Variants in CMTR1 observed in about 807,000 individuals in gnomAD.
CMTR1 encodes the protein cap-specific mRNA (nucleoside-2'-O-)-methyltransferase 1.
CMTR1 carries 39 observed loss-of-function variants against 107.0 expected under a neutral mutation model. That is an observed-to-expected ratio of 0.36 (90% CI 0.28 to 0.48). CMTR1 has a LOEUF of 0.48. Ranked by LOEUF, CMTR1 falls within the 20% of genes least tolerant of loss-of-function variation. CMTR1 has a pLI of 0.99. For synonymous variants in CMTR1, 366 were observed against 379.5 expected (o/e 0.96, Z 0.41); for missense variants, 672 against 1,064.9 (o/e 0.63, Z 5.14).
Position 37,462,922 on chromosome 6 carries a change from G to A in CMTR1, c.1419G>A (p.Thr473=), listed in dbSNP as rs190676909. ...TTAAACTCAATCAGCTGCGGAACACGGATTCCGACGTCAACTTGGTGGTCC... is the reference window on the plus strand; with the variant it reads ...TTAAACTCAATCAGCTGCGGAACACAGATTCCGACGTCAACTTGGTGGTCC... ...VNIKLNQLRN[T]DSDVNLVVPL... Residue 473 remains threonine (T), a synonymous_variant, in exon 13 of 24, where the codon ACG becomes ACA. Transcript: ENST00000373451. 3 of 1,614,142 alleles carry A rather than the reference G, an allele frequency of 1.9e-6. No homozygotes were observed. Among genetic ancestry groups the A allele is most frequent in the East Asian group, 2.2e-5 (1 of 44,886 alleles).
chr6:37,466,669 G>A (rs1209270990), intron 13 of CMTR1, among the ~76,000 whole-genome samples: 1 of 151,994 alleles, frequency 6.6e-6, no homozygotes, highest in African/African-American at 2.4e-5. Flanking sequence ...CTGTCTTTAT[G>A]CCAGTAGTAG....
intron 11 of CMTR1, 135 bp downstream of exon 11, chr6:37,461,780 T>C (rs1423757366): frequency 8.4e-6 from 7 of 836,574 alleles, no homozygotes; most frequent in Non-Finnish European, 1.3e-5. Context: ...AATGAGTAAT[T>C]TAGGGAAGAA....
intron 2 of CMTR1, among the ~76,000 whole-genome samples, chr6:37,443,782 C>T (rs1771724063): frequency 6.6e-6 from 1 of 152,170 alleles, no homozygotes; most frequent in South Asian, 2.1e-4. Flanking sequence ...TATTTTTGAG[C>T]TCCCATTGTG....
intron 23 of CMTR1, 138 bp from the exon 24 acceptor site, chr6:37,479,875 C>A (rs577377800): frequency 1.2e-6 from 1 of 824,432 alleles, no homozygotes; most frequent in Admixed American, 3.0e-5. Context: ...TAGGGCCTAC[C>A]GGGTACCTTT....
chr6:37,462,229 A>T, intron 12 of CMTR1, 127 bp downstream of exon 12: 3 of 1,106,658 alleles, frequency 2.7e-6, no homozygotes, highest in Non-Finnish European at 4.0e-6. Flanking sequence ...AAGTGATGAG[A>T]GCCAACAGGA....
upstream of CMTR1, among the ~76,000 whole-genome samples, chr6:37,432,205 A>G (rs530330914): frequency 6.6e-5 from 10 of 152,358 alleles, no homozygotes; most frequent in East Asian, 1.7e-3. Context: ...AGAAGGGGTC[A>G]TGCTGGAGGG....
At chr6:37,443,660 A>G (rs147633724) in intron 2 of CMTR1, among the ~76,000 whole-genome samples, 4 of 152,294 alleles carry the variant, frequency 2.6e-5, no homozygotes, top group African/African-American at 9.6e-5. Flanking sequence ...CCAGCCAACA[A>G]TGCATTTTCA....
At chr6:37,445,256 A>G (rs1050020859) in intron 3 of CMTR1, among the ~76,000 whole-genome samples, 6 of 152,132 alleles carry the variant, frequency 3.9e-5, no homozygotes, top group Non-Finnish European at 7.4e-5. Flanking sequence ...TTAGCTGGTA[A>G]TACCCCTTTC....
At chr6:37,461,810 A>T (rs896975941) in intron 11 of CMTR1, 160 bp from the exon 12 acceptor site, 3 of 898,232 alleles carry the variant, frequency 3.3e-6, no homozygotes, top group African/African-American at 1.7e-5. Context: ...GAATCCTCAA[A>T]GTCCCCTCCA....
In CMTR1 at chr6:37,457,151, T is replaced by C. The variant is rs1306960593; in HGVS notation, c.778-1461T>C. ...AAGAGGATTGCCTGAGCTCAGGAGT[T>C]CAAGGTTTCAGTAAGCTATTATTGT... On this transcript the variant is annotated intron_variant, in intron 8 of 23. Coordinates refer to ENST00000373451, the MANE Select transcript of CMTR1 (RefSeq NM_015050.3). Among the ~76,000 whole-genome samples, 3 of 150,702 alleles carry C rather than the reference T, an allele frequency of 2.0e-5. No homozygotes were observed. The Admixed American group carries it at 2.0e-4, about 10-fold the overall frequency.
chr6:37,467,143 G>A (rs1011899856), intron 13 of CMTR1, among the ~76,000 whole-genome samples: 2 of 152,122 alleles, frequency 1.3e-5, no homozygotes, highest in Non-Finnish European at 2.9e-5. Context: ...CTCCAGCCTG[G>A]GTGACAGAAC....
chr6:37,429,352 T>TA (rs1195322237), upstream of CMTR1, among the ~76,000 whole-genome samples: 1 of 152,168 alleles, frequency 6.6e-6, no homozygotes, highest in Non-Finnish European at 1.5e-5. Context: ...TAAATTATGG[T>TA]AAAAAACACA....
chr6:37,475,520 G>A (rs1461606205), intron 19 of CMTR1, 108 bp downstream of exon 19: 3 of 880,986 alleles, frequency 3.4e-6, no homozygotes, highest in Non-Finnish European at 5.4e-6. Flanking sequence ...TCTGCTTGTT[G>A]ACATCCTGAG....
At chr6:37,477,682 G>A (rs1761766639) in intron 21 of CMTR1, 43 bp downstream of exon 21, 2 of 1,455,728 alleles carry the variant, frequency 1.4e-6, no homozygotes, top group South Asian at 1.1e-5. Flanking sequence ...AGAGGAGGTG[G>A]GGGTGCGGCC....
the CMTR1 span, among the ~76,000 whole-genome samples, chr6:37,427,953 T>C: frequency 6.6e-6 from 1 of 151,458 alleles, no homozygotes; most frequent in Non-Finnish European, 1.5e-5. This position sits in a 1 kb window ranked among gnomAD's most constrained non-coding sequence, Gnocchi z 4.4. Context: ...ATAGTCATTC[T>C]AATTGTTTTT....
intron 4 of CMTR1, among the ~76,000 whole-genome samples, chr6:37,449,375 C>T (rs928894460): frequency 3.3e-5 from 5 of 152,088 alleles, no homozygotes; most frequent in Admixed American, 2.6e-4. Flanking sequence ...GTGGCGCAAT[C>T]TCGGCTCACT....
intron 5 of CMTR1, among the ~76,000 whole-genome samples, chr6:37,451,355 C>A (rs1420460771): frequency 6.6e-6 from 1 of 152,116 alleles, no homozygotes; most frequent in African/African-American, 2.4e-5. Flanking sequence ...CTGTGAGACC[C>A]CTTAGCGTCC....
At chr6:37,436,137 G>C (rs780757458) in intron 2 of CMTR1, among the ~76,000 whole-genome samples, 1 of 152,158 alleles carries the variant, frequency 6.6e-6, no homozygotes, top group Non-Finnish European at 1.5e-5. Flanking sequence ...TGCTGCGGCC[G>C]TCGAGCCTAA....
At chr6:37,474,754 ACAGGGCC>A (rs1229284192) in intron 18 of CMTR1, 108 bp downstream of exon 18, 2 of 1,514,340 alleles carry the variant, frequency 1.3e-6, no homozygotes, top group African/African-American at 2.7e-5. Context: ...GTGGTGGCTG[ACAGGGCC>A]CAGGGCTGGG....
Sources: gnomAD v4.1 joint callset for allele counts (sites outside exome capture counted in the v4.1 genomes callset) on GRCh38, gnomAD v4.1.1 for gene constraint, Gnocchi (gnomAD v3.1) non-coding constraint, MANE v1.5 for transcripts, NCBI Gene and HGNC (gene_info 2026-07-23, HGNC 2026-07-21) for gene names.